The following MICU1 variants were observed in gnomAD, a reference collection of about 807,000 sequenced individuals.
MICU1 encodes calcium uptake protein 1, mitochondrial.
Under a neutral mutation model 56.8 loss-of-function variants are expected in MICU1, and 45 were observed. The ratio of observed to expected loss-of-function variants is 0.79; its 90% CI spans 0.62 to 1.02. The LOEUF (loss-of-function observed/expected upper bound fraction) is 1.02. Ranked by LOEUF, MICU1 falls within the 50% of genes least tolerant of loss-of-function variation. MICU1 has a pLI of 0.00. For synonymous variants in MICU1, 186 were observed against 195.1 expected (o/e 0.95, Z 0.39); for missense variants, 504 against 587.1 (o/e 0.86, Z 1.46).
chr10:72,618,610 C>T (rs939133564), intron 1 of MICU1, among the ~76,000 whole-genome samples: 1 of 152,052 alleles, frequency 6.6e-6, no homozygotes, highest in Admixed American at 6.6e-5. Context: ...TTAAGAAATA[C>T]AACTTTCGAA....
chr10:72,563,210 A>T, intron 2 of MICU1, 147 bp from the exon 3 acceptor site: 1 of 547,730 alleles, frequency 1.8e-6, no homozygotes, highest in Admixed American at 4.2e-5. Flanking sequence ...TATAAAATAG[A>T]ACTTCCACAT....
intron 4 of MICU1, among the ~76,000 whole-genome samples, chr10:72,548,654 C>G (rs1839955053): frequency 6.6e-6 from 1 of 152,172 alleles, no homozygotes. Context: ...ATATTTTCTA[C>G]TTTTCATGTT....
At chr10:72,377,189 G>A (rs905395674) in intron 10 of MICU1, among the ~76,000 whole-genome samples, 2 of 151,922 alleles carry the variant, frequency 1.3e-5, no homozygotes, top group African/African-American at 4.8e-5. Context: ...GCACGATCTC[G>A]GCTCACTGCA....
chr10:72,575,191 G>A (rs1840709308), intron 1 of MICU1, among the ~76,000 whole-genome samples: 1 of 152,220 alleles, frequency 6.6e-6, no homozygotes, highest in Middle Eastern at 3.4e-3. Flanking sequence ...GAGCCACCAT[G>A]CCCAACTTTT....
intron 10 of MICU1, among the ~76,000 whole-genome samples, chr10:72,402,034 C>T (rs1259324274): frequency 2.6e-5 from 4 of 152,074 alleles, no homozygotes; most frequent in Non-Finnish European, 1.5e-5. Context: ...ATATCTTCCC[C>T]AGCCCCTAGC....
intron 8 of MICU1, among the ~76,000 whole-genome samples, chr10:72,446,805 G>A (rs1486341098): frequency 6.6e-6 from 1 of 152,114 alleles, no homozygotes; most frequent in Non-Finnish European, 1.5e-5. Context: ...CACATACTAA[G>A]AGCTCAGTAA....
chr10:72,569,237 A>ATTTTTTTTTTTTTTTTTTTTTTTT (rs1178823534), intron 1 of MICU1, among the ~76,000 whole-genome samples: 1 of 34,392 alleles, frequency 2.9e-5, no homozygotes, highest in African/African-American at 1.1e-4. Context: ...ATATATATAT[A>ATTTTTTTTTTTTTTTTTTTTTTTT]TTTTTTTTTT....
At chr10:72,448,163 A>ATTTGTG (rs1439178038) in intron 8 of MICU1, among the ~76,000 whole-genome samples, 2 of 48,950 alleles carry the variant, frequency 4.1e-5, no homozygotes, top group Admixed American at 2.3e-4. Flanking sequence ...GTGTGTGTGT[A>ATTTGTG]TATGTGTGTG....
chr10:72,415,894 T>C (rs1462003068), intron 9 of MICU1, among the ~76,000 whole-genome samples: 1 of 152,260 alleles, frequency 6.6e-6, no homozygotes, highest in Admixed American at 6.5e-5. Context: ...TCCTAAGACA[T>C]TGTTGATCTC....
chr10:72,410,769 G>C (rs1014857431), intron 9 of MICU1, among the ~76,000 whole-genome samples: 2 of 152,160 alleles, frequency 1.3e-5, no homozygotes, highest in African/African-American at 4.8e-5. Flanking sequence ...CTTTGCCTTA[G>C]AGCACCCAGA....
intron 1 of MICU1, among the ~76,000 whole-genome samples, chr10:72,614,197 G>T (rs1169956065): frequency 6.6e-6 from 1 of 151,768 alleles, no homozygotes; most frequent in Non-Finnish European, 1.5e-5. Context: ...CATTCAAATG[G>T]CTATTACTTA....
At chr10:72,466,981 A>ATT (rs573099746) in intron 8 of MICU1, among the ~76,000 whole-genome samples, 4,692 of 146,232 alleles carry the variant, frequency 0.032, 255 homozygotes, top group African/African-American at 0.11. Context: ...TAATACCTTC[A>ATT]TTTTTTTTTT....
At chr10:72,423,078 T>A (rs1216044824) in intron 9 of MICU1, among the ~76,000 whole-genome samples, 156 bp downstream of exon 9, 3 of 152,192 alleles carry the variant, frequency 2.0e-5, no homozygotes, top group African/African-American at 7.2e-5. Flanking sequence ...ACCCATTGCT[T>A]ATTTCTTTTC....
At chr10:72,512,547 T>C (rs1352763238) in intron 5 of MICU1, among the ~76,000 whole-genome samples, 1 of 152,226 alleles carries the variant, frequency 6.6e-6, no homozygotes, top group East Asian at 1.9e-4. Flanking sequence ...TCTATTCATA[T>C]GCTCAAAGAC....
intron 1 of MICU1, among the ~76,000 whole-genome samples, chr10:72,622,531 G>A (rs1036538180): frequency 6.6e-6 from 1 of 152,168 alleles, no homozygotes; most frequent in Non-Finnish European, 1.5e-5. Context: ...TGGTGCGCTG[G>A]AACTGTAGAG....
At chr10:72,594,058 A>C (rs1841301590) in intron 1 of MICU1, among the ~76,000 whole-genome samples, 1 of 152,214 alleles carries the variant, frequency 6.6e-6, no homozygotes, top group Admixed American at 6.5e-5. Context: ...AATAGCCAAA[A>C]TAAGCTTGAA....
At chr10:72,416,148 G>A (rs1433308652) in intron 9 of MICU1, among the ~76,000 whole-genome samples, 1 of 152,068 alleles carries the variant, frequency 6.6e-6, no homozygotes, top group Non-Finnish European at 1.5e-5. Flanking sequence ...AGGATCTTGA[G>A]GGATAGGGAA....
At chr10:72,499,039 G>A (rs1050926417) in intron 6 of MICU1, among the ~76,000 whole-genome samples, 6 of 151,982 alleles carry the variant, frequency 3.9e-5, no homozygotes, top group African/African-American at 1.4e-4. Context: ...CAATGAGGCT[G>A]GACTGATTCA....
intron 5 of MICU1, among the ~76,000 whole-genome samples, chr10:72,511,765 C>T (rs971788053): frequency 6.6e-6 from 1 of 152,214 alleles, no homozygotes; most frequent in Non-Finnish European, 1.5e-5. Flanking sequence ...ACAATGCTTA[C>T]ACACAATAAA....
Sources: gnomAD v4.1 joint callset for allele counts (sites outside exome capture counted in the v4.1 genomes callset) on GRCh38, gnomAD v4.1.1 for gene constraint, MANE v1.5 for transcripts, NCBI Gene and HGNC (gene_info 2026-07-23, HGNC 2026-07-21) for gene names.